The following RPS6KC1 variants were observed in gnomAD, a reference collection of about 807,000 sequenced individuals.
RPS6KC1 encodes the protein ribosomal protein S6 kinase C1.
In RPS6KC1, 54 loss-of-function variants were observed where a neutral mutation model predicts 103.8. The ratio of observed to expected loss-of-function variants is 0.52; its 90% CI spans 0.42 to 0.65. The LOEUF is 0.65. RPS6KC1 is among the 30% of genes least tolerant of loss of function. The pLI, the probability that RPS6KC1 is intolerant of heterozygous loss-of-function variation, is 0.00. For missense variants in RPS6KC1, 1,151 were observed against 1,253.8 expected, an observed-to-expected ratio of 0.92 and a Z score of 1.24; for synonymous variants, 439 against 438.7, an observed-to-expected ratio of 1.00 and a Z score of -0.01.
rs1043807700 is a variant in RPS6KC1 at position 213,217,039 on chromosome 1, G to A, written c.1045-13458G>A. 1.6e-4 allele frequency among the ~76,000 whole-genome samples: 24 copies of A among 151,732 alleles called. 1 individual carries two copies. Among genetic ancestry groups the A allele is most frequent in the African/African-American group, 5.8e-4 (24 of 41,064 alleles). On this transcript the variant is annotated intron_variant, in intron 8 of 14. Transcript: ENST00000366960. ...CTAAGATCAGAGCAGAGCTGAAGGAGATAGAGACACAAAAAACCCTTCAAA... is the reference window on the plus strand; with the variant it reads ...CTAAGATCAGAGCAGAGCTGAAGGAAATAGAGACACAAAAAACCCTTCAAA...
At chr1:213,694,280 T>TACAG in the RPS6KC1 span, among the ~76,000 whole-genome samples, 1 of 152,168 alleles carries the variant, frequency 6.6e-6, no homozygotes, top group African/African-American at 2.4e-5. Flanking sequence ...GATCTCAGAG[T>TACAG]ACAGACAGAC....
chr1:213,153,241 G>A (rs988225653), intron 6 of RPS6KC1, among the ~76,000 whole-genome samples: 2 of 150,192 alleles, frequency 1.3e-5, no homozygotes, highest in East Asian at 1.9e-4. Flanking sequence ...GAGGGAGACC[G>A]TGGGGAGAGG....
At chr1:213,706,986 GT>G in the RPS6KC1 span, among the ~76,000 whole-genome samples, 2 of 152,126 alleles carry the variant, frequency 1.3e-5, no homozygotes. Context: ...CATTGCTGTT[GT>G]GAATAGTGCT....
chr1:213,297,769 C>T, the RPS6KC1 span, among the ~76,000 whole-genome samples: 4 of 152,122 alleles, frequency 2.6e-5, no homozygotes, highest in Non-Finnish European at 5.9e-5. Context: ...TACCACCACG[C>T]TAAGCTAATT....
the RPS6KC1 span, among the ~76,000 whole-genome samples, chr1:213,434,034 G>A: frequency 2.0e-5 from 3 of 149,352 alleles, no homozygotes; most frequent in African/African-American, 7.4e-5. Context: ...TACACATCAC[G>A]AAGATTTTTT....
intron 6 of RPS6KC1, among the ~76,000 whole-genome samples, chr1:213,151,412 A>C (rs1264502271): frequency 1.6e-5 from 2 of 123,490 alleles, no homozygotes; most frequent in East Asian, 5.6e-4. Context: ...GCTTCCCAGT[A>C]GGGGCGGCCG....
intron 9 of RPS6KC1, among the ~76,000 whole-genome samples, chr1:213,231,888 C>A (rs2094111846): frequency 6.6e-6 from 1 of 152,122 alleles, no homozygotes; most frequent in Admixed American, 6.6e-5. Flanking sequence ...AACACTGACC[C>A]ACGTAATTGA....
At chr1:213,728,162 G>C in the RPS6KC1 span, among the ~76,000 whole-genome samples, 9 of 152,098 alleles carry the variant, frequency 5.9e-5, no homozygotes, top group Non-Finnish European at 7.3e-5. Context: ...TGAGGAGGGG[G>C]AAAAATAATG....
At chr1:213,627,220 C>G in the RPS6KC1 span, among the ~76,000 whole-genome samples, 2 of 150,670 alleles carry the variant, frequency 1.3e-5, no homozygotes, top group African/African-American at 4.9e-5. Context: ...TGATTTCGCT[C>G]TCTGTCTGTT....
the RPS6KC1 span, among the ~76,000 whole-genome samples, chr1:213,295,971 C>T: frequency 6.6e-6 from 1 of 152,006 alleles, no homozygotes; most frequent in Non-Finnish European, 1.5e-5. Flanking sequence ...CTTAAGGAGG[C>T]CTTAAAGGAA....
the RPS6KC1 span, among the ~76,000 whole-genome samples, chr1:213,402,412 A>G: frequency 6.6e-6 from 1 of 152,182 alleles, no homozygotes; most frequent in East Asian, 1.9e-4. Flanking sequence ...TTCAGATGGC[A>G]CAGGCTTCCG....
At chr1:213,559,726 A>G in the RPS6KC1 span, among the ~76,000 whole-genome samples, 1 of 152,226 alleles carries the variant, frequency 6.6e-6, no homozygotes, top group African/African-American at 2.4e-5. Context: ...AAAATAATGC[A>G]AGCCTCTTCT....
the RPS6KC1 span, among the ~76,000 whole-genome samples, chr1:213,592,791 G>A: frequency 2.6e-5 from 4 of 152,204 alleles, no homozygotes; most frequent in Admixed American, 6.5e-5. Context: ...GTGGACAAGA[G>A]GGGCAAGCTT....
chr1:213,419,371 G>A, the RPS6KC1 span, among the ~76,000 whole-genome samples: 31 of 152,200 alleles, frequency 2.0e-4, no homozygotes, highest in Non-Finnish European at 2.8e-4. Context: ...AAAAATAATG[G>A]TGGTAATTAG....
chr1:213,076,301 G>C (rs2079328156), intron 2 of RPS6KC1, among the ~76,000 whole-genome samples: 1 of 152,142 alleles, frequency 6.6e-6, no homozygotes, highest in African/African-American at 2.4e-5. Context: ...CATTAATTAA[G>C]GTAGAATTTT....
chr1:213,762,784 A>T, the RPS6KC1 span, among the ~76,000 whole-genome samples: 2 of 152,224 alleles, frequency 1.3e-5, no homozygotes, highest in Non-Finnish European at 2.9e-5. Flanking sequence ...CAAGTATTTA[A>T]GATAACCCAG....
intron 3 of RPS6KC1, among the ~76,000 whole-genome samples, chr1:213,093,279 C>T (rs1428642814): frequency 5.3e-5 from 8 of 151,112 alleles, no homozygotes; most frequent in South Asian, 2.1e-4. Context: ...GGCGCCATCT[C>T]GGCTCACTGA....
the RPS6KC1 span, among the ~76,000 whole-genome samples, chr1:213,629,894 G>C: frequency 1.3e-5 from 2 of 152,158 alleles, no homozygotes; most frequent in African/African-American, 4.8e-5. Flanking sequence ...TTTTCTTTAA[G>C]AATGTTGAAT....
chr1:213,503,674 T>C, the RPS6KC1 span, among the ~76,000 whole-genome samples: 1 of 152,208 alleles, frequency 6.6e-6, no homozygotes, highest in Non-Finnish European at 1.5e-5. Flanking sequence ...TTGCAAAGTC[T>C]GCTTGCTAAA....
Sources: gnomAD v4.1 joint callset for allele counts (sites outside exome capture counted in the v4.1 genomes callset) on GRCh38, gnomAD v4.1.1 for gene constraint, MANE v1.5 for transcripts, NCBI Gene and HGNC (gene_info 2026-07-23, HGNC 2026-07-21) for gene names.